PCDHA8: variants seen among roughly 807,000 people sequenced by gnomAD.
PCDHA8 encodes protocadherin alpha 8.
A neutral mutation model predicts 61.8 loss-of-function variants in PCDHA8; 53 were observed. The observed-to-expected ratio is 0.86, with a 90% CI of 0.69 to 1.08. The LOEUF is 1.08. PCDHA8 is among the 50% of genes least tolerant of loss of function. The pLI, the probability that PCDHA8 is intolerant of heterozygous loss-of-function variation, is 0.00. For synonymous variants in PCDHA8, 618 were observed against 556.6 expected (o/e 1.11, Z -1.55); for missense variants, 1,293 against 1,245.0 (o/e 1.04, Z -0.58).
chr5:140,875,567 A>G (rs1389005721), intron 1 of PCDHA8: 14 of 1,613,986 alleles, frequency 8.7e-6, no homozygotes, highest in African/African-American at 2.7e-5. Context: ...GGCCAGCTCC[A>G]CTACTCCGTC....
intron 1 of PCDHA8, among the ~76,000 whole-genome samples, chr5:140,937,540 C>T (rs2091570481): frequency 2.0e-5 from 3 of 152,116 alleles, no homozygotes; most frequent in East Asian, 3.9e-4. Flanking sequence ...TTGCTTGAAC[C>T]TGCGAGGCAG....
intron 3 of PCDHA8, among the ~76,000 whole-genome samples, chr5:140,999,809 CAA>C (rs1350603380): frequency 1.3e-5 from 2 of 152,160 alleles, no homozygotes; most frequent in African/African-American, 2.4e-5. Flanking sequence ...GGGCACAAAG[CAA>C]GAGCTGTGGC....
At chr5:141,009,019 C>A (rs1160022658) in intron 3 of PCDHA8, among the ~76,000 whole-genome samples, 1 of 152,232 alleles carries the variant, frequency 6.6e-6, no homozygotes, top group Non-Finnish European at 1.5e-5. Context: ...CCTTTAGGCT[C>A]TGTATTTCCC....
Position 140,982,562 on chromosome 5 carries a change from A to C in PCDHA8, c.2541A>C (p.Pro847=). ...QQWPTVSSAT[P]EPEAGEVSPP... ...GGCCAACAGTATCCAGTGCAACACCAGGTAAAGAGCTGGGGTCTCTCCATT... is the reference window on the plus strand; with the variant it reads ...GGCCAACAGTATCCAGTGCAACACCCGGTAAAGAGCTGGGGTCTCTCCATT... Residue 847 remains proline, a splice_region_variant and synonymous_variant, in exon 3 of 4, where the codon CCA becomes CCC. Coordinates refer to ENST00000531613, the MANE Select transcript of PCDHA8 (RefSeq NM_018911.3). 3 of 1,614,062 alleles carry C rather than the reference A, an allele frequency of 1.9e-6. No individual in the cohort carries two copies. The highest frequency in any genetic ancestry group is 2.5e-6 in the Non-Finnish European group (3 of 1,179,936).
intron 1 of PCDHA8, chr5:140,877,824 A>G (rs1554170141): frequency 1.9e-6 from 3 of 1,602,118 alleles, no homozygotes; most frequent in Non-Finnish European, 2.6e-6. Flanking sequence ...AAGATTGTTT[A>G]AATCCTCCCA....
intron 1 of PCDHA8, chr5:140,870,354 G>T: frequency 6.2e-7 from 1 of 1,614,226 alleles, no homozygotes; most frequent in Non-Finnish European, 8.5e-7. Context: ...GCGAGAACGT[G>T]TGGGCCTATG....
intron 1 of PCDHA8, among the ~76,000 whole-genome samples, chr5:140,932,902 T>C (rs1276238248): frequency 6.6e-6 from 1 of 152,002 alleles, no homozygotes; most frequent in Non-Finnish European, 1.5e-5. Context: ...AGGGAAACAA[T>C]AATATTTCAA....
At position 140,847,437 on chromosome 5, in the gene PCDHA8, C is replaced by T. The variant is rs959002697; in HGVS notation, c.2394+3722C>T. The T allele has an allele frequency of 2.0e-5, 3 of 149,574 alleles. 1 individual carries two copies. The highest frequency in any genetic ancestry group is 4.5e-5 in the Non-Finnish European group (3 of 66,910). 9.3% of individuals were successfully genotyped at this position (149,574 alleles called of 1,614,324 possible). ...CGGTTTTGCCTTTAGACTTGAGATA[C>T]ACTAAAATCTAGATTTAATTAATCG... is the stretch of plus-strand genomic sequence containing the variant. On this transcript the variant is annotated intron_variant, in intron 1 of 3. Coordinates refer to ENST00000531613, the MANE Select transcript of PCDHA8 (RefSeq NM_018911.3).
rs2096504149 is a variant in PCDHA8 at position 140,971,885 on chromosome 5, T to G, written c.2395-7064T>G. Among the ~76,000 whole-genome samples the G allele has an allele frequency of 2.0e-5, 3 of 152,134 alleles. No individual in the cohort carries two copies. In the South Asian group the frequency reaches 6.2e-4, roughly 31 times the overall value. ...ACATCTAGCATATGAGGAAATAAGC[T>G]CAGGGAGGTTAGGTAATCTACACAG... On this transcript the variant is annotated intron_variant, in intron 1 of 3. Coordinates refer to ENST00000531613, the MANE Select transcript of PCDHA8 (RefSeq NM_018911.3).
At chr5:140,870,773 A>C (rs1554164699) in intron 1 of PCDHA8, 1 of 1,613,598 alleles carries the variant, frequency 6.2e-7, no homozygotes, top group Admixed American at 1.7e-5. Context: ...GTGCTGGACG[A>C]GAACGACAAC....
At chr5:140,907,746 T>G (rs1240884837) in intron 1 of PCDHA8, among the ~76,000 whole-genome samples, 3 of 152,302 alleles carry the variant, frequency 2.0e-5, no homozygotes, top group African/African-American at 7.2e-5. Context: ...ATGGCCACTT[T>G]GTTCATGGGC....
chr5:140,879,782 G>C (rs1372413289), intron 1 of PCDHA8, among the ~76,000 whole-genome samples: 1 of 152,178 alleles, frequency 6.6e-6, no homozygotes, highest in African/African-American at 2.4e-5. Flanking sequence ...GGAAGAATCT[G>C]GTTTTTGTTT....
chr5:140,895,733 G>C (rs1554186620), intron 1 of PCDHA8, among the ~76,000 whole-genome samples: 1 of 152,030 alleles, frequency 6.6e-6, no homozygotes, highest in Non-Finnish European at 1.5e-5. Context: ...CCATTCAATG[G>C]GCTGCAAAGG....
intron 3 of PCDHA8, among the ~76,000 whole-genome samples, chr5:140,986,569 T>C (rs1006962446): frequency 7.2e-5 from 11 of 152,296 alleles, no homozygotes; most frequent in East Asian, 3.9e-4. Context: ...TTATCTGTTA[T>C]TGGTTTTTCC....
chr5:140,928,185 C>T (rs371901224), intron 1 of PCDHA8: 1 of 1,614,064 alleles, frequency 6.2e-7, no homozygotes, highest in Non-Finnish European at 8.5e-7. Flanking sequence ...GAAGGACAAT[C>T]ACTGTGTCAG....
chr5:140,916,046 C>T (rs2077416983), intron 1 of PCDHA8, among the ~76,000 whole-genome samples: 1 of 152,202 alleles, frequency 6.6e-6, no homozygotes, highest in Admixed American at 6.5e-5. Context: ...TTTCCACAGG[C>T]AGAGGTGCCT....
chr5:140,927,191 T>TG, intron 1 of PCDHA8: 1 of 1,614,144 alleles, frequency 6.2e-7, no homozygotes, highest in East Asian at 2.2e-5. Flanking sequence ...TACGACCTGG[T>TG]GCTCGAGGAC....
chr5:140,977,839 C>G (rs1400370638), intron 1 of PCDHA8, among the ~76,000 whole-genome samples: 1 of 152,176 alleles, frequency 6.6e-6, no homozygotes, highest in South Asian at 2.1e-4. Context: ...ATTGATATTA[C>G]TATGGCTTTG....
chr5:140,846,031 G>A lies in PCDHA8; in HGVS notation c.2394+2316G>A, dbSNP rs2150383784. On this transcript the variant is annotated intron_variant, in intron 1 of 3. Coordinates refer to ENST00000531613, the MANE Select transcript of PCDHA8 (RefSeq NM_018911.3). ...AATCTAAAAGTTATTACGAGTTTAG[G>A]AAAGTCAAGTTAACACCACCTATGT... 1.1e-4 allele frequency among the ~76,000 whole-genome samples: 16 copies of A among 149,690 alleles called. 2 individuals carry two copies. The highest frequency in any genetic ancestry group is 2.4e-4 in the Non-Finnish European group (16 of 66,844).
Sources: allele counts gnomAD v4.1 joint callset (sites outside exome capture counted in the v4.1 genomes callset), GRCh38; gene constraint gnomAD v4.1.1; transcripts MANE v1.5; gene names NCBI Gene and HGNC (gene_info 2026-07-23, HGNC 2026-07-21).